The following UCHL3 variants were observed in gnomAD, a reference collection of about 807,000 sequenced individuals.
UCHL3 encodes ubiquitin C-terminal hydrolase L3, also known as ubiquitin carboxyl-terminal hydrolase isozyme L3.
A neutral mutation model predicts 35.8 loss-of-function variants in UCHL3; 22 were observed. The ratio of observed to expected loss-of-function variants is 0.61; its 90% CI spans 0.44 to 0.88. UCHL3 has a LOEUF of 0.88. Among genes scored for constraint, UCHL3 ranks in the 40% least tolerant of loss-of-function variants. The probability of loss-of-function intolerance (pLI) is 0.00; values close to 1 mark genes in which losing one functional copy is unlikely to be tolerated. For missense variants in UCHL3, 229 were observed against 276.9 expected (o/e 0.83, Z 1.23); for synonymous variants, 90 against 92.8 (o/e 0.97, Z 0.17).
At chr13:75,602,077 C>G (rs1023111487) in intron 7 of UCHL3, among the ~76,000 whole-genome samples, 3 of 151,760 alleles carry the variant, frequency 2.0e-5, no homozygotes, top group Non-Finnish European at 2.9e-5. Flanking sequence ...CCACTGTACT[C>G]TAGCCTGGGC....
chr13:75,569,441 A>T lies in UCHL3; in HGVS notation c.427-19A>T, dbSNP rs747271184. 2 of 1,573,628 alleles carry T rather than the reference A, an allele frequency of 1.3e-6. No individual in the cohort carries two copies. The highest frequency in any genetic ancestry group is 2.5e-5 in the South Asian group (2 of 80,126). ...AGTATAGGCATTTTTTCCAATGAAT[A>T]CCTTTATTCTTATTACAGGCCATCC... On this transcript the variant is annotated intron_variant, in intron 5 of 8. Coordinates refer to ENST00000377595, the MANE Select transcript of UCHL3 (RefSeq NM_006002.5).
At chr13:75,590,360 A>G (rs1482642479) in intron 6 of UCHL3, among the ~76,000 whole-genome samples, 3 of 152,086 alleles carry the variant, frequency 2.0e-5, no homozygotes, top group African/African-American at 7.2e-5. Flanking sequence ...ACATAACGGC[A>G]CCTGCCTTTT....
At chr13:75,555,336 T>C (rs1208217436) in intron 2 of UCHL3, among the ~76,000 whole-genome samples, 1 of 152,200 alleles carries the variant, frequency 6.6e-6, no homozygotes, top group Non-Finnish European at 1.5e-5. Flanking sequence ...CTTCCCACTT[T>C]GTGAAATTAT....
At chr13:75,592,468 G>GTATATAT (rs1201744829) in intron 6 of UCHL3, among the ~76,000 whole-genome samples, 1 of 23,318 alleles carries the variant, frequency 4.3e-5, no homozygotes, top group African/African-American at 1.7e-4. Flanking sequence ...ATATATATAT[G>GTATATAT]AAGGAAAAAA....
intron 7 of UCHL3, among the ~76,000 whole-genome samples, chr13:75,599,134 ATTTTTTTTT>A (rs35853503): frequency 7.8e-6 from 1 of 127,956 alleles, no homozygotes; most frequent in Non-Finnish European, 1.6e-5. Context: ...ATGCCTGGCT[ATTTTTTTTT>A]TTTTTTTTTG....
chr13:75,579,329 T>C (rs2032113674), intron 6 of UCHL3, among the ~76,000 whole-genome samples: 1 of 152,130 alleles, frequency 6.6e-6, no homozygotes, highest in South Asian at 2.1e-4. Context: ...ACTGCAACTT[T>C]CTGATCTTTG....
Position 75,567,240 on chromosome 13 carries a change from C to T in UCHL3, c.354C>T (p.Thr118=). The T allele has an allele frequency of 6.2e-7, 1 of 1,614,024 alleles. No individual in the cohort carries two copies. The highest frequency in any genetic ancestry group is 8.5e-7 in the Non-Finnish European group (1 of 1,179,974). ...TCATATTCTCAGAATCTGGATCAAC[C>T]TTGAAAAAATTCCTGGAGGAATCTG... ...KDKMHFESGS[T]LKKFLEESVS... The change falls in exon 5 of 9, where the codon ACC becomes ACT. Residue 118 remains threonine, a synonymous_variant. Coordinates refer to ENST00000377595, the MANE Select transcript of UCHL3 (RefSeq NM_006002.5).
rs1404272794 is a variant in UCHL3 at position 75,567,324 on chromosome 13, C to T, written c.426+12C>T. ...TGGAGAACTATGATGTCGGTACCTT[C>T]TTTCCGTTTTGATCTCATGTGGGCA... On this transcript the variant is annotated intron_variant, in intron 5 of 8. Transcript: ENST00000377595. 1.2e-6 allele frequency: 2 copies of T among 1,613,440 alleles called. No homozygotes were observed. The highest frequency in any genetic ancestry group is 8.5e-7 in the Non-Finnish European group (1 of 1,179,528).
At chr13:75,602,163 T>C (rs1229267835) in intron 7 of UCHL3, among the ~76,000 whole-genome samples, 1 of 152,126 alleles carries the variant, frequency 6.6e-6, no homozygotes, top group Non-Finnish European at 1.5e-5. Context: ...ACAGTTTTTA[T>C]TTCTGTATAG....
chr13:75,605,049 A>G (rs2032895437), intron 8 of UCHL3: 2 of 377,234 alleles, frequency 5.3e-6, no homozygotes, highest in South Asian at 1.2e-4. Flanking sequence ...AAAGGCAAGA[A>G]TAGTATTGAA....
At chr13:75,551,671 A>C (rs2031114333) in intron 2 of UCHL3, among the ~76,000 whole-genome samples, 1 of 152,186 alleles carries the variant, frequency 6.6e-6, no homozygotes, top group African/African-American at 2.4e-5. Context: ...AATCAATGTA[A>C]TTAACCATAT....
intron 6 of UCHL3, among the ~76,000 whole-genome samples, chr13:75,589,747 A>G (rs1243760102): frequency 1.3e-5 from 2 of 152,154 alleles, no homozygotes; most frequent in Non-Finnish European, 1.5e-5. Context: ...ATATAACCTG[A>G]TACTTGGTTA....
At position 75,560,782 on chromosome 13, in the gene UCHL3, C is replaced by T. The variant is rs752943510; in HGVS notation, c.84C>T (p.Asn28=). 8.1e-6 allele frequency: 13 copies of T among 1,601,514 alleles called. No individual in the cohort carries two copies. The Admixed American group carries it at 2.1e-4, about 26-fold the overall frequency. ...QFLKQLGLHP[N]WQFVDVYGMD... Reference sequence around the variant, plus strand: ...TTAAACAATTAGGTCTACATCCTAACTGGCAATTCGTTGATGTATATGGAA... The same window carrying T: ...TTAAACAATTAGGTCTACATCCTAATTGGCAATTCGTTGATGTATATGGAA... The change falls in exon 3 of 9, where the codon AAC becomes AAT. Residue 28 remains asparagine (N), a synonymous_variant. Coordinates refer to ENST00000377595, the MANE Select transcript of UCHL3 (RefSeq NM_006002.5).
At chr13:75,553,939 A>AG (rs1350241051) in intron 2 of UCHL3, among the ~76,000 whole-genome samples, 1 of 152,188 alleles carries the variant, frequency 6.6e-6, no homozygotes, top group Non-Finnish European at 1.5e-5. Context: ...GCCATTCCAG[A>AG]GAGGCCGTAG....
chr13:75,566,647 A>C, intron 3 of UCHL3, 48 bp from the exon 4 acceptor site: 2 of 1,194,810 alleles, frequency 1.7e-6, no homozygotes, highest in Non-Finnish European at 2.2e-6. Flanking sequence ...TGAGTTTTTT[A>C]ATATGTTATT....
chr13:75,578,836 A>G (rs534376014), intron 6 of UCHL3, among the ~76,000 whole-genome samples: 103 of 152,186 alleles, frequency 6.8e-4, no homozygotes, highest in African/African-American at 2.3e-3. Flanking sequence ...ATAAATATAT[A>G]TACATAATTA....
chr13:75,554,994 ATTTGGT>A (rs2031244391), intron 2 of UCHL3, among the ~76,000 whole-genome samples: 2 of 152,108 alleles, frequency 1.3e-5, no homozygotes, highest in Non-Finnish European at 2.9e-5. Context: ...AACATGCGGT[ATTTGGT>A]TTTCTGTTCT....
At chr13:75,564,684 T>C (rs114063286) in intron 3 of UCHL3, among the ~76,000 whole-genome samples, 256 of 152,202 alleles carry the variant, frequency 1.7e-3, no homozygotes, top group African/African-American at 5.9e-3. Flanking sequence ...TTACCATCAA[T>C]GATAGTGTTG....
At chr13:75,577,615 A>G (rs1418122763) in intron 6 of UCHL3, among the ~76,000 whole-genome samples, 1 of 152,204 alleles carries the variant, frequency 6.6e-6, no homozygotes, top group African/African-American at 2.4e-5. Context: ...TTCCAATTTC[A>G]TATGGTTTGG....
Sources: allele counts gnomAD v4.1 joint callset (sites outside exome capture counted in the v4.1 genomes callset), GRCh38; gene constraint gnomAD v4.1.1; transcripts MANE v1.5; gene names NCBI Gene and HGNC (gene_info 2026-07-23, HGNC 2026-07-21).